PLXNA2: variants seen among roughly 807,000 people sequenced by gnomAD.
PLXNA2 encodes plexin-A2.
Under a neutral mutation model 193.5 loss-of-function variants are expected in PLXNA2, and 91 were observed. The ratio of observed to expected loss-of-function variants is 0.47; its 90% CI spans 0.40 to 0.56. The LOEUF is 0.56. Among genes scored for constraint, PLXNA2 ranks in the 20% least tolerant of loss-of-function variants. The pLI, the probability that PLXNA2 is intolerant of heterozygous loss-of-function variation, is 0.00. For missense variants in PLXNA2, 1,995 were observed against 2,503.2 expected, an observed-to-expected ratio of 0.80 and a Z score of 4.33; for synonymous variants, 997 against 1,027.3, an observed-to-expected ratio of 0.97 and a Z score of 0.56.
intron 3 of PLXNA2, among the ~76,000 whole-genome samples, chr1:208,191,275 A>G (rs1670173008): frequency 6.6e-6 from 1 of 152,156 alleles, no homozygotes; most frequent in South Asian, 2.1e-4. Flanking sequence ...AGGTGCCTCA[A>G]AATTGGGGCA....
At chr1:208,077,160 C>G (rs1484999939) in intron 12 of PLXNA2, among the ~76,000 whole-genome samples, 1 of 152,096 alleles carries the variant, frequency 6.6e-6, no homozygotes, top group Non-Finnish European at 1.5e-5. Flanking sequence ...TTCAGAGTGA[C>G]CTCCCCCGAG....
chr1:208,045,086 G>A lies in PLXNA2; in HGVS notation c.3620C>T (p.Thr1207Ile), dbSNP rs1359530306. ...ACTCACCATGACCTTGTGCTGCCCG[G>A]TGAGGTTGGGAGGCTCGCAGAGAAG... ...TQLLCEPPNL[T>I]GQHKVMVHVG... Residue 1207 changes from threonine to isoleucine, a missense_variant, in exon 19 of 32, where the codon ACC becomes ATC. Physicochemically the swap from Thr to Ile is moderately conservative, Grantham distance 89. This residue lies in a region of PLXNA2 where 1,291 missense variants were observed against 1,673.6 expected (regional missense o/e 0.77). Transcript: ENST00000367033. 6.2e-7 allele frequency: 1 copy of A among 1,614,134 alleles called. No individual in the cohort carries two copies. Among genetic ancestry groups the A allele is most frequent in the South Asian group, 1.1e-5 (1 of 91,074 alleles).
intron 3 of PLXNA2, among the ~76,000 whole-genome samples, chr1:208,158,326 C>T (rs1331694367): frequency 6.6e-6 from 1 of 152,154 alleles, no homozygotes; most frequent in Non-Finnish European, 1.5e-5. Flanking sequence ...TCTCCATATA[C>T]ATTGTTTCTT....
At chr1:208,234,374 C>T (rs1270556608) in intron 1 of PLXNA2, among the ~76,000 whole-genome samples, 2 of 152,228 alleles carry the variant, frequency 1.3e-5, no homozygotes, top group African/African-American at 2.4e-5. Context: ...AAAGGAAAAT[C>T]AAGGGCTCTT....
chr1:208,185,272 T>C (rs1262365962), intron 3 of PLXNA2, among the ~76,000 whole-genome samples: 1 of 152,162 alleles, frequency 6.6e-6, no homozygotes, highest in Non-Finnish European at 1.5e-5. Context: ...CCAGGTACCT[T>C]CGATGATGTT....
intron 12 of PLXNA2, among the ~76,000 whole-genome samples, chr1:208,075,230 G>C (rs1666108605): frequency 1.3e-5 from 2 of 151,914 alleles, no homozygotes; most frequent in Admixed American, 1.3e-4. Flanking sequence ...AGAATCCCTT[G>C]AACCCGGAGG....
chr1:208,041,728 G>T (rs1258294047), intron 22 of PLXNA2, among the ~76,000 whole-genome samples: 1 of 152,210 alleles, frequency 6.6e-6, no homozygotes, highest in Non-Finnish European at 1.5e-5. Flanking sequence ...AGAGGCACCG[G>T]GAGGAAGAGA....
At chr1:208,050,702 G>A (rs565749611) in intron 17 of PLXNA2, among the ~76,000 whole-genome samples, 54 of 152,144 alleles carry the variant, frequency 3.5e-4, no homozygotes, top group South Asian at 1.7e-3. Context: ...CCAAGCATGC[G>A]CCTGTGGTCC....
intron 8 of PLXNA2, among the ~76,000 whole-genome samples, chr1:208,093,282 T>G (rs556186210): frequency 6.9e-4 from 105 of 152,314 alleles, no homozygotes; most frequent in Non-Finnish European, 1.1e-3. Context: ...TAGGTTTTCT[T>G]CTGAATGCTG....
In PLXNA2 at chr1:208,042,654, C is replaced by T. The variant is rs1571853892; in HGVS notation, c.4018-288G>A. Among the ~76,000 whole-genome samples, 5 of 152,232 alleles carry T rather than the reference C, an allele frequency of 3.3e-5. No individual in the cohort carries two copies. In the South Asian group the frequency reaches 1.0e-3, roughly 32 times the overall value. ...TCCCAAGGATAGAATAGGAGATGCC[C>T]CCTCAAACTTCTTCAGTTTACTAGT... On this transcript the variant is annotated intron_variant, in intron 21 of 31. Coordinates refer to ENST00000367033, the MANE Select transcript of PLXNA2 (RefSeq NM_025179.4).
At chr1:208,224,012 G>C (rs1671430991) in intron 1 of PLXNA2, among the ~76,000 whole-genome samples, 1 of 152,164 alleles carries the variant, frequency 6.6e-6, no homozygotes, top group Admixed American at 6.5e-5. Flanking sequence ...TTCCCCGTGG[G>C]TGGAATGCTA....
chr1:208,187,592 A>T (rs1440823529), intron 3 of PLXNA2, among the ~76,000 whole-genome samples: 1 of 152,176 alleles, frequency 6.6e-6, no homozygotes, highest in Non-Finnish European at 1.5e-5. Context: ...AAGATAAAAA[A>T]TTTTTTAGAG....
rs1553297870 is a variant in PLXNA2, at chr1:208,209,983, A to ATTT, written c.1371+294_1371+296dup. 8.1e-4 allele frequency: 71 copies of ATTT among 87,944 alleles called. 1 individual carries two copies. The highest frequency in any genetic ancestry group is 2.9e-3 in the African/African-American group (60 of 20,920). The allele number at this position is 87,944 out of a possible 1,614,324, so 5.4% of individuals were successfully genotyped here. ...TTGCTTGATTTGGGAATGAAGAGCAATTTTTTTTTTTTTTTTTTTTTGCTT... is the reference window on the plus strand; with the variant it reads ...TTGCTTGATTTGGGAATGAAGAGCAATTTTTTTTTTTTTTTTTTTTTTTTGCTT... On this transcript the variant is annotated intron_variant, in intron 3 of 31. Transcript: ENST00000367033.
At chr1:208,074,434 C>T (rs1468969171) in intron 12 of PLXNA2, among the ~76,000 whole-genome samples, 1 of 152,212 alleles carries the variant, frequency 6.6e-6, no homozygotes, top group Admixed American at 6.5e-5. Context: ...GCATCATTAT[C>T]ACACCACGAG....
chr1:208,189,808 C>T (rs993932488), intron 3 of PLXNA2, among the ~76,000 whole-genome samples: 1 of 152,120 alleles, frequency 6.6e-6, no homozygotes, highest in South Asian at 2.1e-4. Context: ...AGCTCCTGTC[C>T]AACAGCCCGC....
rs995557402 is a variant in PLXNA2, at chr1:208,220,478, G to A, written c.-80-2476C>T. Among the ~76,000 whole-genome samples the A allele has an allele frequency of 2.0e-5, 3 of 152,062 alleles. No homozygotes were observed. In the South Asian group the frequency reaches 6.3e-4, roughly 32 times the overall value. ...GACAGAGTCTTGCTCTGTCGCCCAG[G>A]CTGGAGTGCAGTGGTATGATCTCAG... is the stretch of plus-strand genomic sequence containing the variant. On this transcript the variant is annotated intron_variant, in intron 1 of 31. Coordinates refer to ENST00000367033, the MANE Select transcript of PLXNA2 (RefSeq NM_025179.4).
At chr1:208,186,718 T>C (rs1249864) in intron 3 of PLXNA2, among the ~76,000 whole-genome samples, 1 of 91,904 alleles carries the variant, frequency 1.1e-5, no homozygotes, top group Non-Finnish European at 2.1e-5. Flanking sequence ...ATTTTATTTT[T>C]TTTTTTTTTT....
At chr1:208,042,491 A>G (rs891147242) in intron 21 of PLXNA2, 125 bp from the exon 22 acceptor site, 1 of 915,662 alleles carries the variant, frequency 1.1e-6, no homozygotes, top group Non-Finnish European at 1.7e-6. Context: ...GAGGCCTATA[A>G]CCAACCCCAC....
Position 208,042,178 on chromosome 1 carries a change from A to C in PLXNA2, c.4206T>G (p.Thr1402=). Residue 1402 remains threonine (T), a synonymous_variant, in exon 22 of 32, where the codon ACT becomes ACG. Coordinates refer to ENST00000367033, the MANE Select transcript of PLXNA2 (RefSeq NM_025179.4). ...CAGAGAGCAGCTGCTTGAGGACATC[A>C]GTGGCATATTCCAGGCGGCCCTGCA... ...TGLQGRLEYA[T]DVLKQLLSDL... 1.9e-6 allele frequency: 3 copies of C among 1,614,236 alleles called. No homozygotes were observed. Among genetic ancestry groups the C allele is most frequent in the Non-Finnish European group, 2.5e-6 (3 of 1,180,032 alleles).
Sources: gnomAD v4.1 joint callset for allele counts (sites outside exome capture counted in the v4.1 genomes callset) on GRCh38, gnomAD v4.1.1 for gene constraint, gnomAD v4.1.1 regional missense constraint, MANE v1.5 for transcripts, NCBI Gene and HGNC (gene_info 2026-07-23, HGNC 2026-07-21) for gene names.